The following PCDHGA2 variants were observed in gnomAD, a reference collection of about 807,000 sequenced individuals.
PCDHGA2 encodes protocadherin gamma-A2.
A neutral mutation model predicts 59.2 loss-of-function variants in PCDHGA2; 40 were observed. The observed-to-expected ratio is 0.68, with a 90% CI of 0.52 to 0.88. The LOEUF (loss-of-function observed/expected upper bound fraction) is 0.88, where lower values mean the gene tolerates loss of function less well. Ranked by LOEUF, PCDHGA2 falls within the 40% of genes least tolerant of loss-of-function variation. PCDHGA2 has a pLI of 0.00. For missense variants in PCDHGA2, 1,226 were observed against 1,204.0 expected (o/e 1.02, Z -0.27); for synonymous variants, 560 against 526.0 (o/e 1.06, Z -0.89).
intron 1 of PCDHGA2, chr5:141,366,686 G>A (rs200958152): frequency 5.3e-5 from 86 of 1,614,138 alleles, no homozygotes; most frequent in Non-Finnish European, 6.8e-6. Flanking sequence ...AGAGAGCTGT[G>A]AGAAAAGCGA....
At chr5:141,436,778 G>A (rs2097846346) in intron 1 of PCDHGA2, among the ~76,000 whole-genome samples, 1 of 152,154 alleles carries the variant, frequency 6.6e-6, no homozygotes, top group African/African-American at 2.4e-5. Flanking sequence ...ATTTGTGGAT[G>A]GAAATAAAAC....
intron 1 of PCDHGA2, among the ~76,000 whole-genome samples, chr5:141,467,809 C>T (rs1026263094): frequency 6.6e-6 from 1 of 152,056 alleles, no homozygotes. Flanking sequence ...CAGGCACATG[C>T]CACCACACCA....
chr5:141,494,903 G>A (rs760748707), intron 2 of PCDHGA2, 38 bp downstream of exon 2: 39 of 1,613,894 alleles, frequency 2.4e-5, no homozygotes, highest in Non-Finnish European at 3.1e-5. Context: ...TCTTCTCTGC[G>A]GCATTTTCTC....
In PCDHGA2 at chr5:141,486,056, C is replaced by T; in HGVS notation, c.2425-8751C>T. 6.2e-7 allele frequency: 1 copy of T among 1,614,170 alleles called. No homozygotes were observed. The highest frequency in any genetic ancestry group is 8.5e-7 in the Non-Finnish European group (1 of 1,180,026). ...TGATCGTGTAAGAAACCTCTTTAGC[C>T]TGCACCCCACTACTGGAAAGCTTAC... On this transcript the variant is annotated intron_variant, in intron 1 of 3. Transcript: ENST00000394576. The surrounding 1 kb of genome is among the most constrained non-coding windows in gnomAD (Gnocchi z 5.0).
At position 141,512,750 on chromosome 5, in the gene PCDHGA2, G is replaced by C. The variant is rs538475261; in HGVS notation, c.*1577G>C. The C allele has an allele frequency of 2.6e-5, 4 of 152,894 alleles. No homozygotes were observed. The highest frequency in any genetic ancestry group is 4.4e-5 in the Non-Finnish European group (3 of 68,656). 9.5% of individuals were successfully genotyped at this position (152,894 alleles called of 1,614,324 possible). ...AGCGGGCGGCGGGCTCCGCGCAGCC[G>C]TCTGTCCTTGATCTGCCCGCGGCGG... On this transcript the variant is annotated 3_prime_UTR_variant, in exon 4 of 4. Coordinates refer to ENST00000394576, the MANE Select transcript of PCDHGA2 (RefSeq NM_018915.4).
intron 1 of PCDHGA2, chr5:141,418,251 C>G: frequency 6.2e-7 from 1 of 1,614,058 alleles, no homozygotes; most frequent in Non-Finnish European, 8.5e-7. Context: ...GACCACGCCC[C>G]TCAATTCCGG....
Position 141,486,453 on chromosome 5 carries a change from C to T in PCDHGA2, c.2425-8354C>T, listed in dbSNP as rs776820667. 6.2e-6 allele frequency: 10 copies of T among 1,614,114 alleles called. No homozygotes were observed. The highest frequency in any genetic ancestry group is 1.1e-5 in the South Asian group (1 of 91,082). On this transcript the variant is annotated intron_variant, in intron 1 of 3. Transcript: ENST00000394576. The surrounding 1 kb of genome is among the most constrained non-coding windows in gnomAD (Gnocchi z 5.0). ...TCTAGCTATGACATCATGGTCACTGCTTCTGATGCTGGGAACCCTCCTCTC... is the reference window on the plus strand; with the variant it reads ...TCTAGCTATGACATCATGGTCACTGTTTCTGATGCTGGGAACCCTCCTCTC...
chr5:141,414,377 C>T (rs2095740461), intron 1 of PCDHGA2: 1 of 1,613,760 alleles, frequency 6.2e-7, no homozygotes, highest in South Asian at 1.1e-5. Context: ...TTAGAAAAGT[C>T]CATTGACAGT....
chr5:141,470,768 G>T (rs2099239559), intron 1 of PCDHGA2, among the ~76,000 whole-genome samples: 1 of 152,142 alleles, frequency 6.6e-6, no homozygotes, highest in South Asian at 2.1e-4. Context: ...ACTCACTACA[G>T]TCTTGAATTC....
chr5:141,376,790 C>T (rs993106299), intron 1 of PCDHGA2: 2 of 364,964 alleles, frequency 5.5e-6, no homozygotes, highest in Non-Finnish European at 9.9e-6. Context: ...GGGTTCACGC[C>T]ATTCTCCTGC....
At chr5:141,371,995 C>T in intron 1 of PCDHGA2, 2 of 1,613,264 alleles carry the variant, frequency 1.2e-6, no homozygotes, top group Non-Finnish European at 1.7e-6. Context: ...ACTCTGCAGG[C>T]CCGCGACCAG....
chr5:141,507,631 C>A (rs1435446169), intron 3 of PCDHGA2, among the ~76,000 whole-genome samples: 1 of 152,236 alleles, frequency 6.6e-6, no homozygotes, highest in Non-Finnish European at 1.5e-5. Context: ...TGTGGCCTTG[C>A]GCCCTGAGGC....
chr5:141,410,650 T>C (rs781083173), intron 1 of PCDHGA2: 3 of 1,590,604 alleles, frequency 1.9e-6, no homozygotes, highest in Non-Finnish European at 2.6e-6. Context: ...GTGTGATTTA[T>C]CTAATAGTCT....
intron 1 of PCDHGA2, chr5:141,346,135 C>A: frequency 3.1e-6 from 5 of 1,613,962 alleles, no homozygotes; most frequent in Non-Finnish European, 3.4e-6. Context: ...GCCGCGGTCT[C>A]CTGCGTCTTC....
At chr5:141,350,823 A>G in intron 1 of PCDHGA2, 1 of 1,614,030 alleles carries the variant, frequency 6.2e-7, no homozygotes, top group Non-Finnish European at 8.5e-7. Context: ...GGAAGTAAAT[A>G]TCCGGTATTA....
In PCDHGA2 at chr5:141,412,148, C is replaced by T. The variant is rs183538712; in HGVS notation, c.2424+70753C>T. ...GGACTTTGGCCTCTGATACAAACTG[C>T]CTAAGAGAAGAGATTATTTATACTG... On this transcript the variant is annotated intron_variant, in intron 1 of 3. Coordinates refer to ENST00000394576, the MANE Select transcript of PCDHGA2 (RefSeq NM_018915.4). The T allele has an allele frequency of 3.1e-4, 47 of 152,220 alleles. 2 individuals carry two copies. The highest frequency in any genetic ancestry group is 1.1e-3 in the African/African-American group (45 of 41,552). The allele number at this position is 152,220 out of a possible 1,614,324, so 9.4% of individuals were successfully genotyped here.
intron 1 of PCDHGA2, among the ~76,000 whole-genome samples, chr5:141,348,636 G>A (rs1282691121): frequency 6.6e-6 from 1 of 152,118 alleles, no homozygotes; most frequent in Non-Finnish European, 1.5e-5. Flanking sequence ...TACAGGTAAT[G>A]GAAGGTCTCA....
chr5:141,413,265 T>C, intron 1 of PCDHGA2: 1 of 1,613,958 alleles, frequency 6.2e-7, no homozygotes, highest in Non-Finnish European at 8.5e-7. Context: ...CATGGGAGGC[T>C]GGAGCCCGGC....
intron 1 of PCDHGA2, chr5:141,356,703 GTCC>G (rs749123912): frequency 3.1e-6 from 5 of 1,613,980 alleles, no homozygotes; most frequent in Non-Finnish European, 3.4e-6. Context: ...GTGCACCTCT[GTCC>G]TCCTATGTCT....
Sources: allele counts gnomAD v4.1 joint callset (sites outside exome capture counted in the v4.1 genomes callset), GRCh38; gene constraint gnomAD v4.1.1; non-coding constraint Gnocchi (gnomAD v3.1); transcripts MANE v1.5; gene names NCBI Gene and HGNC (gene_info 2026-07-23, HGNC 2026-07-21).